The following HMCN1 variants were observed in gnomAD, a reference collection of about 807,000 sequenced individuals.
HMCN1 encodes hemicentin-1.
A neutral mutation model predicts 625.9 loss-of-function variants in HMCN1; 321 were observed. The ratio of observed to expected loss-of-function variants is 0.51; its 90% CI spans 0.47 to 0.56. The LOEUF (loss-of-function observed/expected upper bound fraction) is 0.56, where lower values mean the gene tolerates loss of function less well. Ranked by LOEUF, HMCN1 falls within the 20% of genes least tolerant of loss-of-function variation. The pLI is 0.00. For missense variants in HMCN1, 6,588 were observed against 6,887.3 expected (o/e 0.96, Z 1.54); for synonymous variants, 2,425 against 2,417.6 (o/e 1.00, Z -0.09).
chr1:185,865,740 G>C lies in HMCN1; in HGVS notation c.499-1G>C. The C allele has an allele frequency of 6.2e-7, 1 of 1,602,812 alleles. No individual in the cohort carries two copies. Among genetic ancestry groups the C allele is most frequent in the Non-Finnish European group, 8.5e-7 (1 of 1,174,526 alleles). On this transcript the variant is annotated splice_acceptor_variant, in intron 3 of 106. Transcript: ENST00000271588. LOFTEE classifies it high-confidence loss of function. ...GTTTCTTTTTTTTTTTTTAATCATA[G>C]GTCGTATTTGTTCTGACTGGAGATT... is the stretch of plus-strand genomic sequence containing the variant.
At chr1:185,964,779 T>C (rs890388711) in intron 13 of HMCN1, among the ~76,000 whole-genome samples, 1 of 152,006 alleles carries the variant, frequency 6.6e-6, no homozygotes, top group African/African-American at 2.4e-5. Context: ...TTAGGCTCAG[T>C]CTGGAGGAAT....
intron 101 of HMCN1, 51 bp downstream of exon 101, chr1:186,171,501 A>G: frequency 7.7e-7 from 1 of 1,291,648 alleles, no homozygotes; most frequent in Non-Finnish European, 1.1e-6. Flanking sequence ...TAACTTCTTA[A>G]TGATGTCTGA....
chr1:186,163,773 G>A (rs1286650135), intron 97 of HMCN1, among the ~76,000 whole-genome samples: 1 of 152,152 alleles, frequency 6.6e-6, no homozygotes, highest in Non-Finnish European at 1.5e-5. Flanking sequence ...TTGCAAGACT[G>A]TCTCATACAT....
rs1201129169 is a variant in HMCN1, at chr1:185,989,516, C to G, written c.3077C>G (p.Ala1026Gly). The G allele has an allele frequency of 6.2e-7, 1 of 1,614,022 alleles. No homozygotes were observed. The highest frequency in any genetic ancestry group is 8.5e-7 in the Non-Finnish European group (1 of 1,179,972). ...KKGELISTSSAKFSAGADGSL... is the reference protein window; with the variant it reads ...KKGELISTSSGKFSAGADGSL... ...GGAGAGCTGATTTCAACCAGCAGTG[C>G]TAAGTTTTCAGCAGGAGCTGATGGT... is the stretch of plus-strand genomic sequence containing the variant. Residue 1026 changes from alanine (A) to glycine (G), a missense_variant, in exon 21 of 107, where the codon GCT becomes GGT. Transcript: ENST00000271588.
At chr1:185,894,059 C>T (rs967759439) in intron 4 of HMCN1, among the ~76,000 whole-genome samples, 8 of 151,370 alleles carry the variant, frequency 5.3e-5, no homozygotes, top group Admixed American at 1.3e-4. Context: ...GGCGTGAACC[C>T]GGGAGGCAGA....
At chr1:186,106,355 T>C (rs1471965793) in intron 69 of HMCN1, among the ~76,000 whole-genome samples, 1 of 152,218 alleles carries the variant, frequency 6.6e-6, no homozygotes, top group East Asian at 1.9e-4. Flanking sequence ...TAGATCCTGC[T>C]GTCAGTCTGA....
intron 1 of HMCN1, among the ~76,000 whole-genome samples, chr1:185,735,308 CA>C (rs753585031): frequency 6.6e-6 from 1 of 152,132 alleles, no homozygotes; most frequent in Non-Finnish European, 1.5e-5. Flanking sequence ...TTACGAAAAA[CA>C]AAACCAAAAA....
At chr1:186,086,905 A>G (rs939960757) in intron 58 of HMCN1, among the ~76,000 whole-genome samples, 1 of 152,102 alleles carries the variant, frequency 6.6e-6, no homozygotes, top group Non-Finnish European at 1.5e-5. Context: ...TTAAACCCAG[A>G]AAACACTTAA....
At chr1:185,993,730 G>A (rs1392385540) in intron 23 of HMCN1, among the ~76,000 whole-genome samples, 4 of 151,984 alleles carry the variant, frequency 2.6e-5, no homozygotes, top group Non-Finnish European at 5.9e-5. Context: ...TGTTTCCTAG[G>A]ACTCTTTGAC....
intron 31 of HMCN1, 67 bp from the exon 32 acceptor site, chr1:186,015,891 A>G (rs1276101904): frequency 4.2e-6 from 6 of 1,423,362 alleles, no homozygotes; most frequent in Middle Eastern, 1.7e-4. Context: ...GCTCTTCTTT[A>G]TTTCATTAGA....
At chr1:185,846,482 T>A (rs2102319750) in intron 2 of HMCN1, among the ~76,000 whole-genome samples, 1 of 152,300 alleles carries the variant, frequency 6.6e-6, no homozygotes, top group South Asian at 2.1e-4. Flanking sequence ...ACTAAGGTAA[T>A]TTTGATATTC....
chr1:185,788,490 T>C (rs1030009437), intron 1 of HMCN1, among the ~76,000 whole-genome samples: 29 of 152,244 alleles, frequency 1.9e-4, no homozygotes, highest in African/African-American at 7.0e-4. Flanking sequence ...TTTTAAATAA[T>C]AGACATTTTA....
rs34098989 is a variant in HMCN1 at position 185,794,601 on chromosome 1, A to ATTT, written c.269-51405_269-51403dup. Among the ~76,000 whole-genome samples the ATTT allele has an allele frequency of 1.8e-3, 195 of 111,192 alleles. 1 individual carries two copies. Among genetic ancestry groups the ATTT allele is most frequent in the African/African-American group, 5.1e-3 (138 of 27,132 alleles). 72.9% of individuals were successfully genotyped at this position (111,192 alleles called of 152,430 possible). ...GGCTAAGCCAGTTTAGTCTTTACACATTTTTTTTTTTTTTTTTTTTTTGCC... is the reference window on the plus strand; with the variant it reads ...GGCTAAGCCAGTTTAGTCTTTACACATTTTTTTTTTTTTTTTTTTTTTTTTGCC... On this transcript the variant is annotated intron_variant, in intron 1 of 106. Coordinates refer to ENST00000271588, the MANE Select transcript of HMCN1 (RefSeq NM_031935.3).
chr1:186,163,061 CA>C (rs1029126137), intron 97 of HMCN1, among the ~76,000 whole-genome samples: 6 of 152,236 alleles, frequency 3.9e-5, no homozygotes, highest in Non-Finnish European at 8.8e-5. Flanking sequence ...GGGCTCCACC[CA>C]GTTCCAGCTT....
At chr1:185,945,305 T>C (rs932942959) in intron 11 of HMCN1, among the ~76,000 whole-genome samples, 1 of 152,198 alleles carries the variant, frequency 6.6e-6, no homozygotes, top group Non-Finnish European at 1.5e-5. Context: ...ATATATTTTT[T>C]CCATAATAAC....
Position 185,829,946 on chromosome 1 carries a change from G to C in HMCN1, c.269-16080G>C, listed in dbSNP as rs143275637. 3.8e-3 allele frequency among the ~76,000 whole-genome samples: 576 copies of C among 152,270 alleles called. 5 individuals carry two copies. The highest frequency in any genetic ancestry group is 0.013 in the African/African-American group (546 of 41,544). Reference sequence around the variant, plus strand: ...TTTTTAATAATCACCATTCTGACTGGTGTGAGATGGTATCTCATTGTGGTT... The same window carrying C: ...TTTTTAATAATCACCATTCTGACTGCTGTGAGATGGTATCTCATTGTGGTT... On this transcript the variant is annotated intron_variant, in intron 1 of 106. Coordinates refer to ENST00000271588, the MANE Select transcript of HMCN1 (RefSeq NM_031935.3).
At position 186,018,319 on chromosome 1, in the gene HMCN1, G is replaced by C; in HGVS notation, c.5437G>C (p.Asp1813His). 1.2e-6 allele frequency: 2 copies of C among 1,612,918 alleles called. No individual in the cohort carries two copies. The highest frequency in any genetic ancestry group is 8.5e-7 in the Non-Finnish European group (1 of 1,179,120). ...YRCMAANTAGDHKKEFEVTVH... is the reference protein window; with the variant it reads ...YRCMAANTAGHHKKEFEVTVH... ...GTGCATGGCAGCAAATACTGCTGGAGACCACAAGAAGGAATTTGAAGTGAC... is the reference window on the plus strand; with the variant it reads ...GTGCATGGCAGCAAATACTGCTGGACACCACAAGAAGGAATTTGAAGTGAC... The change falls in exon 34 of 107, where the codon GAC (aspartate) becomes CAC (histidine). Residue 1813 changes from aspartate (D) to histidine (H), a missense_variant. Around this residue, in one of 3 missense-constraint regions of HMCN1, gnomAD observed 4,628 missense variants for 4,853.1 expected, o/e 0.95. Transcript: ENST00000271588.
At chr1:185,877,507 T>C (rs1316976435) in intron 4 of HMCN1, among the ~76,000 whole-genome samples, 2 of 151,686 alleles carry the variant, frequency 1.3e-5, no homozygotes, top group African/African-American at 4.8e-5. Flanking sequence ...AAAAACAACA[T>C]TGGTAGTTAG....
intron 39 of HMCN1, among the ~76,000 whole-genome samples, chr1:186,040,745 T>G (rs375677690): frequency 6.6e-6 from 1 of 152,196 alleles, no homozygotes; most frequent in Non-Finnish European, 1.5e-5. Flanking sequence ...GTAGTGAGTA[T>G]GGATGAAAGT....
Sources: gnomAD v4.1 joint callset for allele counts (sites outside exome capture counted in the v4.1 genomes callset) on GRCh38, gnomAD v4.1.1 for gene constraint, gnomAD v4.1.1 regional missense constraint, MANE v1.5 for transcripts, NCBI Gene and HGNC (gene_info 2026-07-23, HGNC 2026-07-21) for gene names.